The following CUX1 variants were observed in gnomAD, a reference collection of about 807,000 sequenced individuals.
CUX1 encodes the protein cut like homeobox 1.
Under a neutral mutation model 158.8 loss-of-function variants are expected in CUX1, and 31 were observed. The observed-to-expected ratio is 0.20, with a 90% CI of 0.15 to 0.26. The LOEUF is 0.26. CUX1 is among the 10% of genes least tolerant of loss of function. The pLI is 1.00. For synonymous variants in CUX1, 879 were observed against 862.1 expected, an observed-to-expected ratio of 1.02 and a Z score of -0.34; for missense variants, 1,589 against 2,014.6, an observed-to-expected ratio of 0.79 and a Z score of 4.04.
At chr7:102,168,399 G>A (rs1286836602) in intron 9 of CUX1, among the ~76,000 whole-genome samples, 1 of 152,146 alleles carries the variant, frequency 6.6e-6, no homozygotes, top group Non-Finnish European at 1.5e-5. Flanking sequence ...TGTAATCCCA[G>A]CACTTTGGGA....
At chr7:102,216,069 C>T (rs372904836) in intron 20 of CUX1, among the ~76,000 whole-genome samples, 12 of 149,680 alleles carry the variant, frequency 8.0e-5, no homozygotes, top group East Asian at 5.8e-4. Flanking sequence ...TTTGGGAGGC[C>T]GCAGCGGGAG....
chr7:101,914,962 T>TG lies in CUX1; in HGVS notation c.31-1147dup, dbSNP rs1804008862. ...CTGTGGGACTTGGTGAGCTGGGTGG[T>TG]GGGGGGTGGAGAAGGAGAGGCTCTA... is the stretch of plus-strand genomic sequence containing the variant. On this transcript the variant is annotated intron_variant, in intron 1 of 23. Transcript: ENST00000292535. Among the ~76,000 whole-genome samples, 11 of 152,040 alleles carry TG rather than the reference T, an allele frequency of 7.2e-5. No homozygotes were observed. In the South Asian group the frequency reaches 2.3e-3, roughly 32 times the overall value.
chr7:102,104,351 C>G lies in CUX1; in HGVS notation c.422C>G (p.Ala141Gly), dbSNP rs1554487679. The G allele has an allele frequency of 6.2e-7, 1 of 1,607,072 alleles. No homozygotes were observed. The highest frequency in any genetic ancestry group is 1.1e-5 in the South Asian group (1 of 90,958). ...EVKNQEVTIK[A>G]LKEKIREYEQ... ...TTTTCTGCAGAGGTTACGATAAAAG[C>G]ACTTAAAGAGAAAATCCGAGAATAT... Residue 141 changes from alanine (A) to glycine (G), a missense_variant, in exon 6 of 24, where the codon GCA becomes GGA. This residue lies in a region of CUX1 where 515 missense variants were observed against 574.4 expected (regional missense o/e 0.90). Transcript: ENST00000292535.
intron 20 of CUX1, among the ~76,000 whole-genome samples, 171 bp downstream of exon 20, chr7:102,205,341 A>G (rs1795843787): frequency 6.6e-6 from 1 of 152,140 alleles, no homozygotes; most frequent in Non-Finnish European, 1.5e-5. Context: ...TCAGTTTCTA[A>G]TGGAGAGCGA....
chr7:101,940,356 A>G (rs1050255333), intron 2 of CUX1, among the ~76,000 whole-genome samples: 3 of 151,972 alleles, frequency 2.0e-5, no homozygotes, highest in Non-Finnish European at 2.9e-5. Context: ...TCACCCAGAG[A>G]CACGCTCCAT....
At chr7:101,935,013 G>A (rs181079915) in intron 2 of CUX1, among the ~76,000 whole-genome samples, 98 of 152,202 alleles carry the variant, frequency 6.4e-4, no homozygotes, top group Middle Eastern at 3.4e-3. Context: ...GGACAGATCC[G>A]ACTTGGAGAC....
chr7:102,037,817 G>A (rs1218420982), intron 3 of CUX1, among the ~76,000 whole-genome samples: 1 of 152,014 alleles, frequency 6.6e-6, no homozygotes, highest in Non-Finnish European at 1.5e-5. Context: ...CACTTTGGGA[G>A]GCTGAGGCAG....
At chr7:101,838,618 A>G (rs1327146809) in intron 1 of CUX1, among the ~76,000 whole-genome samples, 1 of 151,618 alleles carries the variant, frequency 6.6e-6, no homozygotes, top group Non-Finnish European at 1.5e-5. Flanking sequence ...CCTGACCAAC[A>G]TGGTGAAACC....
intron 4 of CUX1, among the ~76,000 whole-genome samples, chr7:102,088,969 A>G (rs1445461219): frequency 6.6e-6 from 1 of 152,130 alleles, no homozygotes; most frequent in African/African-American, 2.4e-5. Context: ...CTTTCTGGGA[A>G]ATGTATGTTT....
intron 2 of CUX1, among the ~76,000 whole-genome samples, chr7:101,924,677 C>G (rs1805369584): frequency 6.6e-6 from 1 of 151,962 alleles, no homozygotes; most frequent in South Asian, 2.1e-4. Context: ...ATGATCCTCC[C>G]ACCTCAGCCT....
chr7:102,270,602 C>T (rs1456297900), intron 14 of CUX1, among the ~76,000 whole-genome samples: 7 of 152,204 alleles, frequency 4.6e-5, no homozygotes, highest in African/African-American at 7.2e-5. Flanking sequence ...TTCTGCTGCC[C>T]GTGCAACTGG....
rs181810846 is a variant in CUX1, at chr7:101,890,428, C to G, written c.31-25687C>G. ...ACATGAAGGACAGCTGTCCCCCCCT[C>G]CACCCCCGCCTTGGGTCAGAGCTGG... On this transcript the variant is annotated intron_variant, in intron 1 of 23. Coordinates refer to ENST00000292535, the MANE Select transcript of CUX1 (RefSeq NM_181552.4). Among the ~76,000 whole-genome samples the G allele has an allele frequency of 2.4e-3, 368 of 151,738 alleles. 2 individuals are homozygous for G. The highest frequency in any genetic ancestry group is 8.4e-3 in the African/African-American group (348 of 41,424).
At chr7:102,238,071 C>T (rs1021459197) in intron 22 of CUX1, among the ~76,000 whole-genome samples, 7 of 152,146 alleles carry the variant, frequency 4.6e-5, no homozygotes, top group South Asian at 2.1e-4. Context: ...AGACTAGGAG[C>T]GTGACCACTG....
intron 2 of CUX1, among the ~76,000 whole-genome samples, chr7:101,931,595 T>TCA (rs908226286): frequency 6.6e-6 from 1 of 152,120 alleles, no homozygotes; most frequent in African/African-American, 2.4e-5. Context: ...AGACAGAGTC[T>TCA]CACTCTGTCG....
chr7:102,022,054 G>A (rs1234827802), intron 2 of CUX1, among the ~76,000 whole-genome samples: 1 of 152,166 alleles, frequency 6.6e-6, no homozygotes, highest in African/African-American at 2.4e-5. Flanking sequence ...TGGGATATGG[G>A]GAGTGGAAGA....
intron 2 of CUX1, among the ~76,000 whole-genome samples, chr7:102,026,306 G>A (rs1184980225): frequency 6.6e-6 from 1 of 152,080 alleles, no homozygotes; most frequent in African/African-American, 2.4e-5. Flanking sequence ...CTTGAACTGT[G>A]GCTAGGGTAA....
chr7:102,177,468 T>C (rs782594335), intron 10 of CUX1, among the ~76,000 whole-genome samples: 35 of 151,894 alleles, frequency 2.3e-4, no homozygotes, highest in Non-Finnish European at 4.4e-4. Flanking sequence ...GTTTTCAATT[T>C]GTCAGACAAT....
At chr7:101,894,711 G>A (rs777486189) in intron 1 of CUX1, among the ~76,000 whole-genome samples, 7 of 152,178 alleles carry the variant, frequency 4.6e-5, no homozygotes, top group Non-Finnish European at 5.9e-5. Flanking sequence ...ATAACAGCAC[G>A]CTTCAATTCT....
At chr7:101,817,011 C>G (rs1045232380), upstream of CUX1, 2 of 984,296 alleles carry the variant, frequency 2.0e-6, no homozygotes, top group African/African-American at 1.8e-5. This position sits in a 1 kb window ranked among gnomAD's most constrained non-coding sequence, Gnocchi z 4.1. Context: ...GTGTCGGTGA[C>G]GCGGACCTGT....
Sources: gnomAD v4.1 joint callset for allele counts (sites outside exome capture counted in the v4.1 genomes callset) on GRCh38, gnomAD v4.1.1 for gene constraint, gnomAD v4.1.1 regional missense constraint, Gnocchi (gnomAD v3.1) non-coding constraint, MANE v1.5 for transcripts, NCBI Gene and HGNC (gene_info 2026-07-23, HGNC 2026-07-21) for gene names.